ELOVL6: variants seen among roughly 807,000 people sequenced by gnomAD.
ELOVL6 encodes the protein ELOVL fatty acid elongase 6.
Under a neutral mutation model 31.7 loss-of-function variants are expected in ELOVL6, and 8 were observed. The ratio of observed to expected loss-of-function variants is 0.25; its 90% CI spans 0.15 to 0.45. ELOVL6 has a LOEUF of 0.45. ELOVL6 is among the 20% of genes least tolerant of loss of function. The pLI is 1.00. For missense variants in ELOVL6, 126 were observed against 326.4 expected (o/e 0.39, Z 4.73); for synonymous variants, 101 against 117.7 (o/e 0.86, Z 0.92).
rs1560815379 is a variant in ELOVL6 at position 110,084,432 on chromosome 4, T to TATCA, written c.221+21064_221+21065insTGAT. ...TGACATACATGATATATCACATATA[T>TATCA]CATATATGATATATCGCATATATCA... is the stretch of plus-strand genomic sequence containing the variant. On this transcript the variant is annotated intron_variant, in intron 2 of 3. Coordinates refer to ENST00000302274, the MANE Select transcript of ELOVL6 (RefSeq NM_024090.3). Among the ~76,000 whole-genome samples the TATCA allele has an allele frequency of 7.5e-5, 9 of 120,282 alleles. 1 individual carries two copies. The highest frequency in any genetic ancestry group is 3.1e-4 in the African/African-American group (9 of 29,116). The allele number at this position is 120,282 out of a possible 152,430, so 78.9% of individuals were successfully genotyped here.
chr4:110,083,996 ACATATGC>A (rs1756002307), intron 2 of ELOVL6, among the ~76,000 whole-genome samples: 1 of 11,052 alleles, frequency 9.0e-5, no homozygotes, highest in Non-Finnish European at 1.5e-4. Context: ...ACGATATATA[ACATATGC>A]CATATATGGT....
At chr4:110,169,213 C>A (rs115586822) in intron 1 of ELOVL6, among the ~76,000 whole-genome samples, 2,157 of 151,484 alleles carry the variant, frequency 0.014, 40 homozygotes, top group African/African-American at 0.049. Context: ...CTGCACCCGA[C>A]CCCAACAGAG....
intron 1 of ELOVL6, among the ~76,000 whole-genome samples, chr4:110,183,170 G>A (rs1022721418): frequency 6.6e-6 from 1 of 152,024 alleles, no homozygotes; most frequent in Admixed American, 6.6e-5. Context: ...TTGCTACTAC[G>A]GGCAGTCACG....
chr4:110,179,105 T>TAA (rs1027523773), intron 1 of ELOVL6, among the ~76,000 whole-genome samples: 2 of 146,484 alleles, frequency 1.4e-5, no homozygotes, highest in African/African-American at 5.0e-5. Flanking sequence ...GTAAAATCTT[T>TAA]AAAAAAAAAA....
intron 3 of ELOVL6, among the ~76,000 whole-genome samples, chr4:110,056,889 C>T (rs573592662): frequency 1.3e-5 from 2 of 152,222 alleles, no homozygotes; most frequent in East Asian, 3.9e-4. Context: ...GGGGAATGGA[C>T]ATTTGGGCCT....
At chr4:110,053,374 G>A (rs1754886587) in intron 3 of ELOVL6, among the ~76,000 whole-genome samples, 1 of 152,216 alleles carries the variant, frequency 6.6e-6, no homozygotes, top group South Asian at 2.1e-4. Flanking sequence ...GCTGGACTAT[G>A]GGGAAAGACT....
intron 2 of ELOVL6, among the ~76,000 whole-genome samples, chr4:110,088,555 G>C (rs943849500): frequency 2.0e-5 from 3 of 152,142 alleles, no homozygotes; most frequent in African/African-American, 7.2e-5. Context: ...TAGAAGATTT[G>C]TTTTCACCAT....
intron 2 of ELOVL6, among the ~76,000 whole-genome samples, chr4:110,060,789 T>C (rs1200000131): frequency 6.6e-6 from 1 of 152,168 alleles, no homozygotes; most frequent in Non-Finnish European, 1.5e-5. Flanking sequence ...AGCATCTTAC[T>C]CTAGAAGTCA....
chr4:110,090,806 T>C (rs1756404556), intron 2 of ELOVL6, among the ~76,000 whole-genome samples: 1 of 152,038 alleles, frequency 6.6e-6, no homozygotes, highest in Admixed American at 6.6e-5. Context: ...GGTTTCGCCA[T>C]GTTGGCCAGG....
intron 1 of ELOVL6, among the ~76,000 whole-genome samples, chr4:110,154,102 AGTCTTACTCT>A (rs1758351070): frequency 6.6e-6 from 1 of 152,136 alleles, no homozygotes. Context: ...TTTCTGAGAT[AGTCTTACTCT>A]GTCACCCAGG....
At chr4:110,193,904 C>G (rs544225135) in intron 1 of ELOVL6, among the ~76,000 whole-genome samples, 1 of 152,166 alleles carries the variant, frequency 6.6e-6, no homozygotes, top group Non-Finnish European at 1.5e-5. Flanking sequence ...CCTTTGAAGA[C>G]GTCACCTCAC....
chr4:110,131,144 T>C (rs1480855533), intron 1 of ELOVL6, among the ~76,000 whole-genome samples: 1 of 152,238 alleles, frequency 6.6e-6, no homozygotes, highest in Non-Finnish European at 1.5e-5. Context: ...ATCTGTTGCG[T>C]TGATGTTCTA....
In ELOVL6 at chr4:110,178,827, AAAAC is replaced by A. The variant is rs1017681125; in HGVS notation, c.89+19416_89+19419del. Among the ~76,000 whole-genome samples, 4 of 152,290 alleles carry A rather than the reference AAAAC, an allele frequency of 2.6e-5. No individual in the cohort carries two copies. The East Asian group carries it at 5.8e-4, about 22-fold the overall frequency. ...CGGTGACAGAGAGAGACTCTGTCCT[AAAAC>A]AAACAAACAAAAACATAAAGATGGA... On this transcript the variant is annotated intron_variant, in intron 1 of 3. Transcript: ENST00000302274.
chr4:110,119,107 C>G (rs1578494877), intron 1 of ELOVL6, among the ~76,000 whole-genome samples: 1 of 152,080 alleles, frequency 6.6e-6, no homozygotes, highest in African/African-American at 2.4e-5. Flanking sequence ...AGCAATAGCT[C>G]TATTTTCAGA....
At chr4:110,181,044 G>A (rs772886834) in intron 1 of ELOVL6, among the ~76,000 whole-genome samples, 2 of 152,030 alleles carry the variant, frequency 1.3e-5, no homozygotes, top group Non-Finnish European at 2.9e-5. Flanking sequence ...AGGCTGAGGC[G>A]GAAGGATTGC....
chr4:110,099,562 C>G lies in ELOVL6; in HGVS notation c.221+5935G>C, dbSNP rs190339001. Among the ~76,000 whole-genome samples, 568 of 152,238 alleles carry G rather than the reference C, an allele frequency of 3.7e-3. 5 individuals carry two copies. Among genetic ancestry groups the G allele is most frequent in the African/African-American group, 0.013 (543 of 41,550 alleles). Reference sequence around the variant, plus strand: ...GGAAAAGGAGTAAGCAAAGGTGAAGCAAGTGTGATATTTGCACCTATAAAT... The same window carrying G: ...GGAAAAGGAGTAAGCAAAGGTGAAGGAAGTGTGATATTTGCACCTATAAAT... On this transcript the variant is annotated intron_variant, in intron 2 of 3. Transcript: ENST00000302274.
chr4:110,064,660 T>G (rs933039694), intron 2 of ELOVL6, among the ~76,000 whole-genome samples: 1 of 151,990 alleles, frequency 6.6e-6, no homozygotes, highest in African/African-American at 2.4e-5. Context: ...ATTAGAAATT[T>G]TTTTTTTAAT....
chr4:110,121,567 C>T (rs551266085), intron 1 of ELOVL6, among the ~76,000 whole-genome samples: 2 of 152,264 alleles, frequency 1.3e-5, no homozygotes, highest in Admixed American at 1.3e-4. Context: ...GGCGTGGTGG[C>T]AGACGCCTGT....
chr4:110,170,909 A>G (rs1758923540), intron 1 of ELOVL6, among the ~76,000 whole-genome samples: 2 of 152,152 alleles, frequency 1.3e-5, no homozygotes, highest in South Asian at 4.2e-4. Flanking sequence ...GCCTCAAAAA[A>G]TGGAATCTCT....
Sources: allele counts gnomAD v4.1 joint callset (sites outside exome capture counted in the v4.1 genomes callset), GRCh38; gene constraint gnomAD v4.1.1; transcripts MANE v1.5; gene names NCBI Gene and HGNC (gene_info 2026-07-23, HGNC 2026-07-21).